The following FGFR2 variants were observed in gnomAD, a reference collection of about 807,000 sequenced individuals.
FGFR2 encodes fibroblast growth factor receptor 2.
FGFR2 carries 19 observed loss-of-function variants against 95.9 expected under a neutral mutation model. That is an observed-to-expected ratio of 0.20 (90% CI 0.14 to 0.29). The LOEUF (loss-of-function observed/expected upper bound fraction) is 0.29. FGFR2 is among the 10% of genes least tolerant of loss of function. The probability of loss-of-function intolerance (pLI) is 1.00; values close to 1 mark genes in which losing one functional copy is unlikely to be tolerated. For synonymous variants in FGFR2, 392 were observed against 393.3 expected (o/e 1.00, Z 0.04); for missense variants, 707 against 1,056.9 (o/e 0.67, Z 4.59).
At chr10:121,523,717 G>T (rs1850888072) in intron 6 of FGFR2, among the ~76,000 whole-genome samples, 1 of 152,188 alleles carries the variant, frequency 6.6e-6, no homozygotes, top group Admixed American at 6.5e-5. Flanking sequence ...GCATGTGTGT[G>T]TGTAGTGTGG....
intron 5 of FGFR2, among the ~76,000 whole-genome samples, chr10:121,542,536 C>A (rs1266986656): frequency 6.6e-6 from 1 of 152,222 alleles, no homozygotes; most frequent in African/African-American, 2.4e-5. Flanking sequence ...CTTTTTCTTT[C>A]CTGCTCATGG....
intron 5 of FGFR2, among the ~76,000 whole-genome samples, chr10:121,548,986 C>CCT (rs1435922367): frequency 6.6e-6 from 1 of 152,166 alleles, no homozygotes; most frequent in Non-Finnish European, 1.5e-5. Context: ...TCACCCCCTG[C>CCT]CTCCTGCTTC....
At chr10:121,497,149 A>G (rs1846971127) in intron 12 of FGFR2, among the ~76,000 whole-genome samples, 1 of 140,652 alleles carries the variant, frequency 7.1e-6, no homozygotes. Flanking sequence ...AAAAAAAAAA[A>G]GAAGAAGAAA....
At chr10:121,516,504 TA>T (rs1489717349) in intron 8 of FGFR2, among the ~76,000 whole-genome samples, 194 of 152,312 alleles carry the variant, frequency 1.3e-3, no homozygotes, top group Non-Finnish European at 3.5e-4. Flanking sequence ...CACTGTACTC[TA>T]AAAACAAGGA....
intron 15 of FGFR2, among the ~76,000 whole-genome samples, chr10:121,486,994 C>T (rs1214696886): frequency 2.6e-5 from 4 of 152,124 alleles, no homozygotes; most frequent in African/African-American, 9.7e-5. Flanking sequence ...ACAAACTACT[C>T]GTAAGTGGGA....
chr10:121,564,311 C>T (rs41302309), intron 4 of FGFR2, 191 bp downstream of exon 4: 65 of 613,738 alleles, frequency 1.1e-4, no homozygotes, highest in African/African-American at 8.6e-4. Flanking sequence ...AAAGGACAAA[C>T]GATAGAGAAG....
chr10:121,546,495 A>C (rs976316819), intron 5 of FGFR2, among the ~76,000 whole-genome samples: 1 of 152,246 alleles, frequency 6.6e-6, no homozygotes, highest in Admixed American at 6.5e-5. Flanking sequence ...CTTTAAAAAT[A>C]ATAATTTGAT....
chr10:121,546,501 T>C (rs774229730), intron 5 of FGFR2, among the ~76,000 whole-genome samples: 24 of 152,246 alleles, frequency 1.6e-4, no homozygotes, highest in Non-Finnish European at 3.2e-4. Flanking sequence ...AAATAATAAT[T>C]TGATTCTTAA....
chr10:121,548,784 T>A (rs558254081), intron 5 of FGFR2, among the ~76,000 whole-genome samples: 1 of 152,168 alleles, frequency 6.6e-6, no homozygotes. Flanking sequence ...ATTATGTGAG[T>A]TTCAGAAAGC....
intron 17 of FGFR2, among the ~76,000 whole-genome samples, chr10:121,481,296 TGA>T (rs1411022473): frequency 6.6e-6 from 1 of 152,138 alleles, no homozygotes; most frequent in African/African-American, 2.4e-5. Context: ...GTGGTTTTGC[TGA>T]GAGGGGGCAA....
intron 6 of FGFR2, 117 bp from the exon 7 acceptor site, chr10:121,520,286 T>C: frequency 9.7e-7 from 1 of 1,033,434 alleles, no homozygotes; most frequent in Non-Finnish European, 1.4e-6. Context: ...TCAAGCCTGC[T>C]GGCTGACACC....
chr10:121,518,336 T>C lies in FGFR2; in HGVS notation c.940-873A>G, dbSNP rs187501497. Among the ~76,000 whole-genome samples the C allele has an allele frequency of 3.3e-5, 5 of 152,296 alleles. No individual in the cohort carries two copies. The highest frequency in any genetic ancestry group is 1.3e-4 in the Admixed American group (2 of 15,294). On this transcript the variant is annotated intron_variant, in intron 7 of 17. Coordinates refer to ENST00000358487, the MANE Select transcript of FGFR2 (RefSeq NM_000141.5). The surrounding 1 kb of genome is among the most constrained non-coding windows in gnomAD (Gnocchi z 4.0). ...ACTCTGCTGATACTCAAATGCCCCG[T>C]ATTAAACAGGCATGGAAGCGTGTGT...
At chr10:121,526,417 C>T (rs1851375574) in intron 6 of FGFR2, among the ~76,000 whole-genome samples, 1 of 152,170 alleles carries the variant, frequency 6.6e-6, no homozygotes, top group African/African-American at 2.4e-5. Context: ...CTAAAGGCCC[C>T]ACGCTAATTA....
chr10:121,503,509 G>A (rs7077484), intron 10 of FGFR2, among the ~76,000 whole-genome samples: 228 of 152,208 alleles, frequency 1.5e-3, no homozygotes, highest in African/African-American at 5.3e-3. Flanking sequence ...TCCATTTGAC[G>A]GAGTCTGAAT....
At chr10:121,535,553 A>T (rs994296082) in intron 6 of FGFR2, among the ~76,000 whole-genome samples, 5 of 152,182 alleles carry the variant, frequency 3.3e-5, no homozygotes, top group African/African-American at 1.2e-4. Flanking sequence ...CAGTGACAGG[A>T]CCTCAGTCAG....
intron 10 of FGFR2, 48 bp downstream of exon 10, chr10:121,503,742 T>C (rs763957477): frequency 4.3e-6 from 7 of 1,609,276 alleles, no homozygotes; most frequent in South Asian, 1.1e-5. Context: ...AATATCCCCA[T>C]TTATAGCTGA....
intron 2 of FGFR2, among the ~76,000 whole-genome samples, chr10:121,573,296 G>C (rs1019209186): frequency 1.3e-5 from 2 of 152,172 alleles, no homozygotes; most frequent in African/African-American, 4.8e-5. Flanking sequence ...TTCTACCAAC[G>C]GCACAGCTCC....
intron 4 of FGFR2, among the ~76,000 whole-genome samples, chr10:121,557,403 G>A (rs1301840238): frequency 6.6e-6 from 1 of 151,998 alleles, no homozygotes; most frequent in African/African-American, 2.4e-5. Context: ...TGACCTCCTG[G>A]GCTCAGGTGA....
chr10:121,548,900 G>C (rs1854965729), intron 5 of FGFR2, among the ~76,000 whole-genome samples: 2 of 151,596 alleles, frequency 1.3e-5, no homozygotes, highest in Admixed American at 6.6e-5. Flanking sequence ...TTTTCAAAAA[G>C]ATTTCTTTTA....
Sources: gnomAD v4.1 joint callset for allele counts (sites outside exome capture counted in the v4.1 genomes callset) on GRCh38, gnomAD v4.1.1 for gene constraint, Gnocchi (gnomAD v3.1) non-coding constraint, MANE v1.5 for transcripts, NCBI Gene and HGNC (gene_info 2026-07-23, HGNC 2026-07-21) for gene names.